LDLRAD4: variants seen among roughly 807,000 people sequenced by gnomAD.
The protein encoded by LDLRAD4 is low density lipoprotein receptor class A domain containing 4.
A neutral mutation model predicts 17.0 loss-of-function variants in LDLRAD4; 5 were observed. The ratio of observed to expected loss-of-function variants is 0.29; its 90% CI spans 0.15 to 0.62. LDLRAD4 has a LOEUF of 0.62. Among genes scored for constraint, LDLRAD4 ranks in the 20% least tolerant of loss-of-function variants. The pLI, the probability that LDLRAD4 is intolerant of heterozygous loss-of-function variation, is 0.84. For synonymous variants in LDLRAD4, 168 were observed against 171.8 expected, an observed-to-expected ratio of 0.98 and a Z score of 0.17; for missense variants, 340 against 424.7, an observed-to-expected ratio of 0.80 and a Z score of 1.75.
In LDLRAD4 at chr18:13,612,805, G is replaced by A. The variant is rs746952569; in HGVS notation, c.182-8312G>A. 11 of 1,613,430 alleles carry A rather than the reference G, an allele frequency of 6.8e-6. No individual in the cohort carries two copies. In the East Asian group the frequency reaches 1.3e-4, roughly 20 times the overall value. ...TTTCCCAAGAACTGCTATGGATGATGCATGCTCTTTCGGGTTTGCTGTGGT... is the reference window on the plus strand; with the variant it reads ...TTTCCCAAGAACTGCTATGGATGATACATGCTCTTTCGGGTTTGCTGTGGT... On this transcript the variant is annotated intron_variant, in intron 3 of 5. Transcript: ENST00000359446.
chr18:13,494,440 G>A (rs1216565833), intron 3 of LDLRAD4, among the ~76,000 whole-genome samples: 1 of 151,668 alleles, frequency 6.6e-6, no homozygotes, highest in East Asian at 1.9e-4. Context: ...CTTGTCTCAA[G>A]CCTACCTCTG....
rs536471851 is a variant in LDLRAD4 at position 13,356,128 on chromosome 18, G to A, written c.-382-31213G>A. ...CCATGAGACCTTCAGAGCATGAATT[G>A]CTCTATTGATTTGGTCCCACTTTGA... On this transcript the variant is annotated intron_variant, in intron 1 of 5. Coordinates refer to ENST00000359446, the Ensembl canonical transcript of LDLRAD4. 2.0e-5 allele frequency among the ~76,000 whole-genome samples: 3 copies of A among 152,356 alleles called. No homozygotes were observed. In the South Asian group the frequency reaches 6.2e-4, roughly 32 times the overall value.
intron 3 of LDLRAD4, among the ~76,000 whole-genome samples, chr18:13,511,993 T>G (rs1289995980): frequency 6.6e-6 from 1 of 152,262 alleles, no homozygotes; most frequent in Non-Finnish European, 1.5e-5. Context: ...ACAGCTGATG[T>G]ATGTAGTCGA....
intron 3 of LDLRAD4, among the ~76,000 whole-genome samples, chr18:13,531,685 A>G (rs559120305): frequency 6.0e-5 from 9 of 151,236 alleles, no homozygotes; most frequent in African/African-American, 2.2e-4. Flanking sequence ...GGAAGGCACA[A>G]TTCCTGGTGC....
intron 1 of LDLRAD4, among the ~76,000 whole-genome samples, chr18:13,350,040 G>A (rs1424425102): frequency 3.3e-5 from 5 of 152,102 alleles, no homozygotes; most frequent in African/African-American, 7.2e-5. Context: ...TCATTGATGG[G>A]CATTTGGGTT....
chr18:13,269,052 T>C (rs1390003821), intron 1 of LDLRAD4, among the ~76,000 whole-genome samples: 1 of 152,352 alleles, frequency 6.6e-6, no homozygotes, highest in East Asian at 1.9e-4. Context: ...TTTGGCAGCA[T>C]GTATGGAAAC....
intron 3 of LDLRAD4, among the ~76,000 whole-genome samples, chr18:13,500,033 A>G (rs1240016568): frequency 6.6e-6 from 1 of 152,216 alleles, no homozygotes. Context: ...TTAGAAGCAC[A>G]TGTTTGGTGC....
At chr18:13,443,701 C>A (rs1019752574) in intron 3 of LDLRAD4, among the ~76,000 whole-genome samples, 1 of 151,102 alleles carries the variant, frequency 6.6e-6, no homozygotes, top group South Asian at 2.1e-4. Flanking sequence ...CTGTCGTCGT[C>A]GTCGTCGTCT....
chr18:13,644,530 T>C (rs2149004508), intron 5 of LDLRAD4, among the ~76,000 whole-genome samples: 1 of 148,744 alleles, frequency 6.7e-6, no homozygotes, highest in African/African-American at 2.5e-5. Flanking sequence ...ATGGCGCCAC[T>C]GCACTCCAGC....
intron 4 of LDLRAD4, chr18:13,642,194 G>A: frequency 1.0e-6 from 1 of 985,636 alleles, no homozygotes; most frequent in Non-Finnish European, 1.2e-6. Flanking sequence ...TTGGACAAAC[G>A]CGGGGCTCGG....
chr18:13,472,772 C>T (rs1330158989), intron 3 of LDLRAD4: 1 of 152,244 alleles, frequency 6.6e-6, no homozygotes, highest in African/African-American at 2.4e-5. Flanking sequence ...CATGAATAAT[C>T]TTGCTTCACA....
chr18:13,268,093 T>C (rs1345438326), intron 1 of LDLRAD4, among the ~76,000 whole-genome samples: 1 of 152,208 alleles, frequency 6.6e-6, no homozygotes, highest in Non-Finnish European at 1.5e-5. Context: ...GAGAGATATT[T>C]TCCTCTTAAG....
chr18:13,387,606 G>A lies in LDLRAD4; in HGVS notation c.-117G>A, dbSNP rs1317193120. 12 of 947,746 alleles carry A rather than the reference G, an allele frequency of 1.3e-5. No individual in the cohort carries two copies. The Middle Eastern group carries it at 1.0e-3, about 80-fold the overall frequency. The allele number at this position is 947,746 out of a possible 1,614,324, so 58.7% of individuals were successfully genotyped here. On this transcript the variant is annotated 5_prime_UTR_variant, in exon 2 of 6. Coordinates refer to ENST00000359446, the Ensembl canonical transcript of LDLRAD4. ...TGGGCCGCGGATGCTCCCAGAGGCC[G>A]GCCCAGCAGAGCGATGGACTTGGAC... is the stretch of plus-strand genomic sequence containing the variant.
chr18:13,421,151 T>G (rs2089412521), intron 2 of LDLRAD4: 1 of 152,454 alleles, frequency 6.6e-6, no homozygotes, highest in Non-Finnish European at 1.5e-5. Context: ...TCCACCAGGC[T>G]GCCGGTTCCA....
chr18:13,493,572 C>T (rs1375001609), intron 3 of LDLRAD4, among the ~76,000 whole-genome samples: 1 of 152,184 alleles, frequency 6.6e-6, no homozygotes, highest in African/African-American at 2.4e-5. Flanking sequence ...CTTAGCTGGT[C>T]ATCGCTTTAT....
At position 13,540,841 on chromosome 18, in the gene LDLRAD4, C is replaced by T. The variant is rs555415465; in HGVS notation, c.182-80276C>T. On this transcript the variant is annotated intron_variant, in intron 3 of 5. Transcript: ENST00000359446. The stretch of plus-strand genomic sequence containing the variant: ...GATGGAAGGTTCTGGGTGTCTCGAC[C>T]GTGTTTTTCTTCCTGTCTCACTTCT... Among the ~76,000 whole-genome samples the T allele has an allele frequency of 1.8e-4, 27 of 152,270 alleles. No individual in the cohort carries two copies. The South Asian group carries it at 2.3e-3, about 13-fold the overall frequency.
At chr18:13,510,877 C>T (rs1170601394) in intron 3 of LDLRAD4, among the ~76,000 whole-genome samples, 1 of 152,070 alleles carries the variant, frequency 6.6e-6, no homozygotes, top group Non-Finnish European at 1.5e-5. Flanking sequence ...ATTAATGTGG[C>T]TGGGGTGAGG....
chr18:13,417,586 C>T (rs2089028373), intron 2 of LDLRAD4, among the ~76,000 whole-genome samples: 1 of 152,128 alleles, frequency 6.6e-6, no homozygotes, highest in South Asian at 2.1e-4. Flanking sequence ...GCGCCCGCCA[C>T]CACACCTGGC....
intron 1 of LDLRAD4, among the ~76,000 whole-genome samples, chr18:13,380,750 G>A (rs77897949): frequency 1.7e-3 from 255 of 152,232 alleles, no homozygotes; most frequent in Admixed American, 3.1e-3. Flanking sequence ...TCTTTGAATC[G>A]ATGTTTTGGG....
Sources: gnomAD v4.1 joint callset for allele counts (sites outside exome capture counted in the v4.1 genomes callset) on GRCh38, gnomAD v4.1.1 for gene constraint, MANE v1.5 for transcripts, NCBI Gene and HGNC (gene_info 2026-07-23, HGNC 2026-07-21) for gene names.